NOL4L: variants seen among roughly 807,000 people sequenced by gnomAD.
NOL4L encodes the protein nucleolar protein 4 like.
NOL4L carries 7 observed loss-of-function variants against 64.5 expected under a neutral mutation model. The ratio of observed to expected loss-of-function variants is 0.11; its 90% CI spans 0.06 to 0.20. The LOEUF is 0.20. Ranked by LOEUF, NOL4L falls within the 10% of genes least tolerant of loss-of-function variation. The pLI, the probability that NOL4L is intolerant of heterozygous loss-of-function variation, is 1.00. For synonymous variants in NOL4L, 413 were observed against 401.0 expected (o/e 1.03, Z -0.36); for missense variants, 680 against 967.1 (o/e 0.70, Z 3.94).
At chr20:32,502,646 C>T (rs971078790) in intron 4 of NOL4L, among the ~76,000 whole-genome samples, 1 of 151,246 alleles carries the variant, frequency 6.6e-6, no homozygotes, top group Admixed American at 6.6e-5. Flanking sequence ...TGTGGTGGCT[C>T]ACCCCTGTAA....
chr20:32,563,023 A>T, intron 1 of NOL4L, among the ~76,000 whole-genome samples: 1 of 43,940 alleles, frequency 2.3e-5, no homozygotes. Flanking sequence ...AGTGGAGGGG[A>T]AGGAGGGTAG....
chr20:32,584,594 C>G lies in NOL4L; in HGVS notation c.297G>C (p.Val99=). The G allele has an allele frequency of 6.8e-7, 1 of 1,477,052 alleles. No homozygotes were observed. Among genetic ancestry groups the G allele is most frequent in the Non-Finnish European group, 9.1e-7 (1 of 1,103,942 alleles). The allele number at this position is 1,477,052 out of a possible 1,614,324, so 91.5% of individuals were successfully genotyped here. ...CCGAGCCCGTCTTGACCGGCACATA[C>G]ACCACTTGGCCCATCTTGGGTTCCC... ...SGREPKMGQV[V]YVPVKTGSGA... Residue 99 remains valine (V), a synonymous_variant, in exon 1 of 11, where the codon GTG becomes GTC. Transcript: ENST00000621426.
chr20:32,509,722 T>C, intron 4 of NOL4L: 1 of 1,249,594 alleles, frequency 8.0e-7, no homozygotes. Flanking sequence ...TTTAACCAGA[T>C]CAAATATCTG....
intron 1 of NOL4L, among the ~76,000 whole-genome samples, chr20:32,541,008 T>TACACAC (rs10675320): frequency 0.18 from 24,552 of 133,362 alleles, 2,459 homozygotes; most frequent in Admixed American, 0.21. Context: ...CGCCACCCCC[T>TACACAC]ACACACACAC....
intron 1 of NOL4L, among the ~76,000 whole-genome samples, chr20:32,583,822 C>G (rs1184105280): frequency 6.7e-6 from 1 of 149,084 alleles, no homozygotes; most frequent in East Asian, 2.1e-4. Context: ...CACGCCACCC[C>G]GCCCGGACCG....
At chr20:32,516,955 C>T (rs2017693118) in intron 3 of NOL4L, among the ~76,000 whole-genome samples, 2 of 152,260 alleles carry the variant, frequency 1.3e-5, no homozygotes, top group Non-Finnish European at 2.9e-5. Flanking sequence ...CCAAAGGTCC[C>T]TTTCCCCAAG....
chr20:32,536,791 G>C (rs1448241370), intron 1 of NOL4L, among the ~76,000 whole-genome samples: 1 of 124,398 alleles, frequency 8.0e-6, no homozygotes, highest in Non-Finnish European at 1.8e-5. Flanking sequence ...CTGCAGCCCG[G>C]CTGGGAGTGG....
chr20:32,569,407 A>G (rs1432720858), intron 1 of NOL4L, among the ~76,000 whole-genome samples: 1 of 152,234 alleles, frequency 6.6e-6, no homozygotes. Context: ...TTTTTAACAC[A>G]GCACTTTGGC....
chr20:32,462,414 G>C (rs2014152933), intron 5 of NOL4L, among the ~76,000 whole-genome samples: 1 of 152,160 alleles, frequency 6.6e-6, no homozygotes, highest in South Asian at 2.1e-4. Flanking sequence ...TGAGGAGGCT[G>C]GTACCCACAG....
intron 4 of NOL4L, chr20:32,483,513 G>A: frequency 2.0e-6 from 2 of 984,184 alleles, no homozygotes; most frequent in Non-Finnish European, 1.2e-6. Flanking sequence ...GCGCGTCACT[G>A]CCCGGCCCGG....
intron 1 of NOL4L, among the ~76,000 whole-genome samples, chr20:32,581,308 G>A (rs1980458182): frequency 1.3e-5 from 2 of 152,068 alleles, no homozygotes; most frequent in Admixed American, 1.3e-4. Context: ...GAGGCCCTGT[G>A]GAGTGTAATT....
In NOL4L at chr20:32,485,690, A is replaced by G. The variant is rs2016059436; in HGVS notation, c.700-10948T>C. The G allele has an allele frequency of 6.5e-6, 3 of 464,792 alleles. No individual in the cohort carries two copies. In the Admixed American group the frequency reaches 7.2e-5, roughly 11 times the overall value. 28.8% of individuals were successfully genotyped at this position (464,792 alleles called of 1,614,324 possible). ...GCTGGTGCCCAATAATGATTTTTAG[A>G]ACGAACTAGTGGCCACAGCTCTTAA... On this transcript the variant is annotated intron_variant, in intron 4 of 10. Transcript: ENST00000621426.
At chr20:32,516,973 C>G (rs1433453262) in intron 3 of NOL4L, among the ~76,000 whole-genome samples, 1 of 152,252 alleles carries the variant, frequency 6.6e-6, no homozygotes, top group African/African-American at 2.4e-5. Flanking sequence ...AAGAGCTGGG[C>G]TGGTCTAAAG....
At chr20:32,542,563 A>T (rs778875943) in intron 1 of NOL4L, among the ~76,000 whole-genome samples, 1 of 152,112 alleles carries the variant, frequency 6.6e-6, no homozygotes, top group Non-Finnish European at 1.5e-5. Context: ...TGTGTTGCCC[A>T]CGCTGGTCTC....
intron 1 of NOL4L, among the ~76,000 whole-genome samples, chr20:32,575,467 G>C (rs1289589947): frequency 6.6e-6 from 1 of 152,204 alleles, no homozygotes; most frequent in Non-Finnish European, 1.5e-5. Context: ...CAAGGTCCAG[G>C]TGAAATGTCA....
Position 32,452,217 on chromosome 20 carries a change from C to G in NOL4L, c.1822+19G>C. The G allele has an allele frequency of 6.6e-7, 1 of 1,504,860 alleles. No individual in the cohort carries two copies. The highest frequency in any genetic ancestry group is 8.9e-7 in the Non-Finnish European group (1 of 1,121,772). 93.2% of individuals were successfully genotyped at this position (1,504,860 alleles called of 1,614,324 possible). A position where few individuals can be genotyped will look rare whatever the true frequency, so the allele number is the denominator to read the frequency against. On this transcript the variant is annotated intron_variant, in intron 10 of 10. Coordinates refer to ENST00000621426, the MANE Select transcript of NOL4L (RefSeq NM_001256798.2). ...GGGTGCTGGTCGGGAAGCCAGAGCCCAGGCCTCCCCCGACTCACCATTACT... is the reference window on the plus strand; with the variant it reads ...GGGTGCTGGTCGGGAAGCCAGAGCCGAGGCCTCCCCCGACTCACCATTACT...
chr20:32,524,744 G>A (rs757868319), intron 2 of NOL4L, among the ~76,000 whole-genome samples: 3 of 152,192 alleles, frequency 2.0e-5, no homozygotes, highest in Non-Finnish European at 2.9e-5. Context: ...TGGGGGCCTC[G>A]TGTCTGCAGA....
intron 1 of NOL4L, among the ~76,000 whole-genome samples, chr20:32,562,906 G>C (rs567118005): frequency 9.7e-6 from 1 of 103,220 alleles, no homozygotes; most frequent in East Asian, 3.2e-4. Context: ...TGGAGGGGAG[G>C]GAGAGTAGAG....
At chr20:32,512,516 A>G (rs900368659) in intron 3 of NOL4L, among the ~76,000 whole-genome samples, 37 of 152,190 alleles carry the variant, frequency 2.4e-4, no homozygotes, top group African/African-American at 8.9e-4. Context: ...GATCAAAGTG[A>G]TGCATGTTCT....
Sources: gnomAD v4.1 joint callset for allele counts (sites outside exome capture counted in the v4.1 genomes callset) on GRCh38, gnomAD v4.1.1 for gene constraint, MANE v1.5 for transcripts, NCBI Gene and HGNC (gene_info 2026-07-23, HGNC 2026-07-21) for gene names.